NCK1: variants seen among roughly 807,000 people sequenced by gnomAD.
NCK1 encodes the protein NCK adaptor protein 1.
NCK1 carries 19 observed loss-of-function variants against 36.6 expected under a neutral mutation model. The ratio of observed to expected loss-of-function variants is 0.52; its 90% CI spans 0.36 to 0.76. The LOEUF (loss-of-function observed/expected upper bound fraction) is 0.76. Ranked by LOEUF, NCK1 falls within the 30% of genes least tolerant of loss-of-function variation. NCK1 has a pLI of 0.00. For synonymous variants in NCK1, 165 were observed against 156.0 expected, an observed-to-expected ratio of 1.06 and a Z score of -0.43; for missense variants, 358 against 445.6, an observed-to-expected ratio of 0.80 and a Z score of 1.77.
chr3:136,926,938 T>C (rs1407665141), intron 1 of NCK1, among the ~76,000 whole-genome samples: 1 of 152,194 alleles, frequency 6.6e-6, no homozygotes, highest in African/African-American at 2.4e-5. Context: ...GGTTGTGATA[T>C]GAGTTCTTCT....
At chr3:136,938,683 T>C (rs574175680) in intron 2 of NCK1, among the ~76,000 whole-genome samples, 3 of 152,342 alleles carry the variant, frequency 2.0e-5, no homozygotes, top group African/African-American at 4.8e-5. Flanking sequence ...GCATGAGTTA[T>C]AGTGATGTTG....
chr3:136,926,574 C>T (rs139803591), intron 1 of NCK1, among the ~76,000 whole-genome samples: 4 of 152,186 alleles, frequency 2.6e-5, no homozygotes, highest in East Asian at 3.9e-4. Context: ...CGCGCCCGGC[C>T]ACTCTTTTTG....
intron 1 of NCK1, among the ~76,000 whole-genome samples, chr3:136,894,299 T>C (rs757122012): frequency 5.9e-5 from 9 of 152,136 alleles, no homozygotes; most frequent in Non-Finnish European, 1.2e-4. Flanking sequence ...CTGGGAGTGA[T>C]GGTGAAGAGT....
chr3:136,881,338 G>A (rs779598851), intron 1 of NCK1, among the ~76,000 whole-genome samples: 2 of 152,154 alleles, frequency 1.3e-5, no homozygotes, highest in Non-Finnish European at 2.9e-5. Context: ...TTCTTCCTCA[G>A]CCTCCTTAGT....
At chr3:136,935,672 G>A (rs986479655) in intron 2 of NCK1, among the ~76,000 whole-genome samples, 2 of 152,166 alleles carry the variant, frequency 1.3e-5, no homozygotes, top group South Asian at 2.1e-4. Flanking sequence ...AAGGAGATAG[G>A]ATTGTGAGGA....
intron 1 of NCK1, among the ~76,000 whole-genome samples, chr3:136,885,055 T>C (rs1279274517): frequency 3.9e-5 from 6 of 152,180 alleles, no homozygotes. Flanking sequence ...TACTTAAATA[T>C]TTATGGATGA....
chr3:136,902,581 G>GT (rs1222358177), intron 1 of NCK1, among the ~76,000 whole-genome samples: 4 of 152,100 alleles, frequency 2.6e-5, no homozygotes, highest in Non-Finnish European at 5.9e-5. Flanking sequence ...GTTGACACTT[G>GT]TTTTGTGTCC....
At chr3:136,923,121 G>A (rs1940154002) in intron 1 of NCK1, among the ~76,000 whole-genome samples, 1 of 151,902 alleles carries the variant, frequency 6.6e-6, no homozygotes, top group Admixed American at 6.6e-5. Context: ...GTGTGTGTGT[G>A]CGCGCCTGTG....
intron 2 of NCK1, among the ~76,000 whole-genome samples, chr3:136,929,278 T>C (rs1392947975): frequency 6.6e-6 from 1 of 152,184 alleles, no homozygotes; most frequent in East Asian, 1.9e-4. Flanking sequence ...AGAATGTTCT[T>C]CTAATTATCA....
intron 1 of NCK1, among the ~76,000 whole-genome samples, chr3:136,874,339 C>T (rs988341676): frequency 6.6e-6 from 1 of 152,134 alleles, no homozygotes; most frequent in African/African-American, 2.4e-5. Context: ...CTACACCTGG[C>T]TAATTTTTAT....
chr3:136,902,789 A>T (rs989725320), intron 1 of NCK1, among the ~76,000 whole-genome samples: 6 of 152,206 alleles, frequency 3.9e-5, no homozygotes, highest in African/African-American at 9.6e-5. Context: ...TTTGCTGATG[A>T]TATGATCTTA....
intron 1 of NCK1, among the ~76,000 whole-genome samples, chr3:136,876,970 G>GT (rs750122654): frequency 7.0e-4 from 106 of 152,290 alleles, no homozygotes; most frequent in African/African-American, 1.8e-3. Flanking sequence ...TTACCACAGT[G>GT]TTTTTTAACT....
intron 1 of NCK1, among the ~76,000 whole-genome samples, chr3:136,923,922 A>G (rs1009804573): frequency 6.6e-6 from 1 of 152,240 alleles, no homozygotes; most frequent in East Asian, 1.9e-4. Context: ...AGAAGTATAT[A>G]TTCTACCTTT....
intron 2 of NCK1, among the ~76,000 whole-genome samples, chr3:136,932,907 A>G (rs73231964): frequency 1.1e-4 from 17 of 152,380 alleles, no homozygotes; most frequent in Non-Finnish European, 1.8e-4. Flanking sequence ...ACTCAGTGAT[A>G]CAGGTGAAGG....
chr3:136,913,459 G>C (rs1939880089), intron 1 of NCK1, among the ~76,000 whole-genome samples: 1 of 151,866 alleles, frequency 6.6e-6, no homozygotes, highest in Non-Finnish European at 1.5e-5. Flanking sequence ...GTAGAGACAG[G>C]GTCTCATTAT....
chr3:136,929,041 T>C (rs1034544153), intron 2 of NCK1, among the ~76,000 whole-genome samples: 2 of 152,160 alleles, frequency 1.3e-5, no homozygotes, highest in Non-Finnish European at 2.9e-5. Context: ...CAATATAGCA[T>C]GACTGACAAA....
rs1327252482 is a variant in NCK1, at chr3:136,948,819, TC to T, written c.*367del. The stretch of plus-strand genomic sequence containing the variant: ...TTGTTTCCTTGTAAAGGCACCCTGT[TC>T]TGTTATGGTTTTTCATTATATAAAA... On this transcript the variant is annotated 3_prime_UTR_variant, in exon 4 of 4. Coordinates refer to ENST00000481752, the MANE Select transcript of NCK1 (RefSeq NM_001291999.2). 4 of 155,058 alleles carry T rather than the reference TC, an allele frequency of 2.6e-5. No individual in the cohort carries two copies. Among genetic ancestry groups the T allele is most frequent in the African/African-American group, 7.2e-5 (3 of 41,542 alleles). The allele number at this position is 155,058 out of a possible 1,614,324, so 9.6% of individuals were successfully genotyped here.
intron 1 of NCK1, among the ~76,000 whole-genome samples, chr3:136,914,513 G>A (rs1939911133): frequency 6.6e-6 from 1 of 152,106 alleles, no homozygotes; most frequent in Non-Finnish European, 1.5e-5. Flanking sequence ...GTTTTTTAAA[G>A]GTTTCATTAG....
chr3:136,864,007 A>C (rs1222063949), intron 1 of NCK1, among the ~76,000 whole-genome samples: 1 of 152,148 alleles, frequency 6.6e-6, no homozygotes, highest in African/African-American at 2.4e-5. Flanking sequence ...AGGCTGAGGC[A>C]GGAGAATGGC....
Sources: allele counts gnomAD v4.1 joint callset (sites outside exome capture counted in the v4.1 genomes callset), GRCh38; gene constraint gnomAD v4.1.1; transcripts MANE v1.5; gene names NCBI Gene and HGNC (gene_info 2026-07-23, HGNC 2026-07-21).